Variants in CAPN15 observed in about 807,000 individuals in gnomAD.
CAPN15 encodes calpain-15.
In CAPN15, 53 loss-of-function variants were observed where a neutral mutation model predicts 97.9. The observed-to-expected ratio is 0.54, with a 90% CI of 0.43 to 0.68. CAPN15 has a LOEUF of 0.68. Among genes scored for constraint, CAPN15 ranks in the 30% least tolerant of loss-of-function variants. The probability of loss-of-function intolerance (pLI) is 0.00; values close to 1 mark genes in which losing one functional copy is unlikely to be tolerated. For synonymous variants in CAPN15, 922 were observed against 722.5 expected (o/e 1.28, Z -4.43); for missense variants, 1,592 against 1,589.8 (o/e 1.00, Z -0.02).
At position 536,119 on chromosome 16, in the gene CAPN15, G is replaced by A. The variant is rs1322988634; in HGVS notation, c.-46G>A. ...GATTCACGTGTGCCCAGGCCCTGAG[G>A]TGGGCCGGACCTGGGAGTGGCAGGT... On this transcript the variant is annotated 5_prime_UTR_variant, in exon 3 of 14. It adds an upstream start codon to the 5' untranslated region. Transcript: ENST00000219611. 3 of 983,034 alleles carry A rather than the reference G, an allele frequency of 3.1e-6. No individual in the cohort carries two copies. Among genetic ancestry groups the A allele is most frequent in the Non-Finnish European group, 3.6e-6 (3 of 828,036 alleles). 60.9% of individuals were successfully genotyped at this position (983,034 alleles called of 1,614,324 possible).
chr16:546,891 C>T lies in CAPN15; in HGVS notation c.53C>T (p.Ala18Val), dbSNP rs1359052684. Residue 18 changes from alanine (A) to valine (V), a missense_variant, in exon 4 of 14, where the codon GCC becomes GTC. By Grantham distance (64) the Ala-to-Val change is moderately conservative. Coordinates refer to ENST00000219611, the MANE Select transcript of CAPN15 (RefSeq NM_005632.3). ...SCVRCTFLNP[A>V]GQRQCSICEA... ...GTGCGCTGCACCTTCCTGAACCCGG[C>T]CGGCCAGCGCCAGTGCTCCATCTGC... 6.2e-7 allele frequency: 1 copy of T among 1,611,370 alleles called. No individual in the cohort carries two copies. Among genetic ancestry groups the T allele is most frequent in the Non-Finnish European group, 8.5e-7 (1 of 1,179,742 alleles).
In CAPN15 at chr16:554,122, C is replaced by T. The variant is rs375928519; in HGVS notation, c.*606C>T. ...GTGCCCGCCAGGATCGAAGCCATGA[C>T]TGGGTGCAGGCGGGCGCCAGGCCCG... On this transcript the variant is annotated 3_prime_UTR_variant, in exon 14 of 14. Transcript: ENST00000219611. 7 of 204,040 alleles carry T rather than the reference C, an allele frequency of 3.4e-5. No individual in the cohort carries two copies. Among genetic ancestry groups the T allele is most frequent in the African/African-American group, 1.6e-4 (7 of 43,080 alleles). The allele number at this position is 204,040 out of a possible 1,614,324, so 12.6% of individuals were successfully genotyped here.
At chr16:528,795 G>T (rs1402120778) in intron 1 of CAPN15, 1 of 979,908 alleles carries the variant, frequency 1.0e-6, no homozygotes, top group Non-Finnish European at 1.2e-6. Flanking sequence ...CAGTGGGGAA[G>T]ACTGGGACTC....
chr16:552,570 G>C lies in CAPN15; in HGVS notation c.2738-35G>C. On this transcript the variant is annotated intron_variant, in intron 11 of 13. Transcript: ENST00000219611. This position sits in a 1 kb window ranked among gnomAD's most constrained non-coding sequence, Gnocchi z 6.4. Reference sequence around the variant, plus strand: ...CCCCAGGCTCATGCCCCAGGCCCACGGGGAGGGCTGCGGTTCACACGCCCG... The same window carrying C: ...CCCCAGGCTCATGCCCCAGGCCCACCGGGAGGGCTGCGGTTCACACGCCCG... 1.3e-6 allele frequency: 2 copies of C among 1,561,960 alleles called. No individual in the cohort carries two copies. The highest frequency in any genetic ancestry group is 1.7e-6 in the Non-Finnish European group (2 of 1,157,108).
intron 7 of CAPN15, 101 bp from the exon 8 acceptor site, chr16:551,201 G>A: frequency 6.8e-7 from 1 of 1,467,878 alleles, no homozygotes; most frequent in Non-Finnish European, 9.0e-7. Context: ...GGTCGGTGAG[G>A]GTCCCCAGTC....
chr16:550,684 A>G (rs112437595), intron 7 of CAPN15, among the ~76,000 whole-genome samples: 8,429 of 41,564 alleles, frequency 0.2, 1,145 homozygotes, highest in African/African-American at 0.44. Flanking sequence ...GAGGGCCCCC[A>G]GTCGGTGAGG....
rs1443387405 is a variant in CAPN15 at position 546,966 on chromosome 16, T to A, written c.128T>A (p.Val43Glu). The change falls in exon 4 of 14, where the codon GTG (valine) becomes GAG (glutamate). Residue 43 changes from valine to glutamate, a missense_variant. Val to Glu is a moderately radical substitution (Grantham distance 121). Transcript: ENST00000219611. ...PDLNHILRLS[V>E]EEQKWPCARC... ...CTCAACCACATCCTGCGGCTCAGCG[T>A]GGAGGAGCAGAAATGGCCCTGCGCC... 2 of 1,610,220 alleles carry A rather than the reference T, an allele frequency of 1.2e-6. No homozygotes were observed. Among genetic ancestry groups the A allele is most frequent in the African/African-American group, 2.7e-5 (2 of 74,908 alleles).
chr16:540,460 C>A, intron 3 of CAPN15: 1 of 588,342 alleles, frequency 1.7e-6, no homozygotes, highest in Non-Finnish European at 2.1e-6. Context: ...GAGGTGCTTG[C>A]AGAGAAGTGG....
intron 3 of CAPN15, chr16:540,278 C>T (rs747756575): frequency 4.4e-4 from 431 of 985,328 alleles, no homozygotes; most frequent in Non-Finnish European, 5.0e-4. Flanking sequence ...CCCCCGGCAG[C>T]GGCTGGCTGG....
rs558240811 is a variant in CAPN15, at chr16:547,945, C to T, written c.1107C>T (p.His369=). 4.5e-5 allele frequency: 72 copies of T among 1,598,494 alleles called. No homozygotes were observed. The highest frequency in any genetic ancestry group is 2.0e-4 in the Admixed American group (12 of 58,570). The part of the protein sequence containing the change: ...RCSACGCSKL[H]GFQEHGEPPT... ...CGGCCTGCGGCTGCTCCAAACTGCA[C>T]GGCTTCCAGGAGCATGGCGAGCCCC... The change falls in exon 4 of 14, where the codon CAC becomes CAT. Residue 369 remains histidine (H), a synonymous_variant. Coordinates refer to ENST00000219611, the MANE Select transcript of CAPN15 (RefSeq NM_005632.3).
chr16:548,031 G>A lies in CAPN15; in HGVS notation c.1193G>A (p.Arg398Gln), dbSNP rs759853359. The A allele has an allele frequency of 1.3e-5, 20 of 1,564,272 alleles. No homozygotes were observed. Among genetic ancestry groups the A allele is most frequent in the Middle Eastern group, 1.7e-4 (1 of 6,010 alleles). Reference sequence around the variant, plus strand: ...AGCCCCTGCGGCAGAAGCTGCGGACGGGTGTCCTCGGCCCAGAAGGCCGCC... The same window carrying A: ...AGCCCCTGCGGCAGAAGCTGCGGACAGGTGTCCTCGGCCCAGAAGGCCGCC... Reference protein sequence around the residue: ...KPSPCGRSCGRVSSAQKAARV... With the variant: ...KPSPCGRSCGQVSSAQKAARV... Residue 398 changes from arginine to glutamine, a missense_variant, in exon 4 of 14, where the codon CGG becomes CAG. Coordinates refer to ENST00000219611, the MANE Select transcript of CAPN15 (RefSeq NM_005632.3).
At chr16:550,639 T>C (rs2034922073) in intron 7 of CAPN15, among the ~76,000 whole-genome samples, 1 of 147,880 alleles carries the variant, frequency 6.8e-6, no homozygotes, top group Non-Finnish European at 1.5e-5. Flanking sequence ...CCCCTGTCAG[T>C]GAGGGTTCCC....
chr16:534,235 G>GCCGTGGTCCTGTCGTGGGAGGC, intron 2 of CAPN15, among the ~76,000 whole-genome samples: 1 of 151,434 alleles, frequency 6.6e-6, no homozygotes, highest in Admixed American at 6.6e-5. Context: ...TCCCGACAGG[G>GCCGTGGTCCTGTCGTGGGAGGC]GTGTTTGTCC....
intron 3 of CAPN15, chr16:537,248 G>C (rs962027106): frequency 1.2e-5 from 12 of 985,418 alleles, no homozygotes; most frequent in African/African-American, 3.5e-5. Flanking sequence ...CCTGAGACTG[G>C]CTCCAGCTCA....
intron 3 of CAPN15, among the ~76,000 whole-genome samples, chr16:543,063 C>G (rs1015950946): frequency 1.1e-4 from 16 of 151,904 alleles, no homozygotes; most frequent in Admixed American, 7.2e-4. Flanking sequence ...AATAAAAATA[C>G]AAACCCTGAG....
intron 9 of CAPN15, 166 bp downstream of exon 9, chr16:551,830 G>A: frequency 9.8e-7 from 1 of 1,022,134 alleles, no homozygotes; most frequent in East Asian, 2.6e-5. Context: ...TCAGAATTCA[G>A]GTCCACCCAG....
chr16:544,802 C>G (rs1375835785), intron 3 of CAPN15, among the ~76,000 whole-genome samples: 1 of 83,082 alleles, frequency 1.2e-5, no homozygotes, highest in Non-Finnish European at 2.5e-5. Context: ...CGTCGTCTCC[C>G]CCACGTCGCC....
Position 552,860 on chromosome 16 carries a change from C to T in CAPN15, c.2905-3C>T, listed in dbSNP as rs562282317. The T allele has an allele frequency of 7.5e-6, 12 of 1,597,702 alleles. No homozygotes were observed. The Admixed American group carries it at 8.5e-5, about 11-fold the overall frequency. On this transcript the variant is annotated splice_polypyrimidine_tract_variant and splice_region_variant and intron_variant, in intron 12 of 13. Transcript: ENST00000219611. This position sits in a 1 kb window ranked among gnomAD's most constrained non-coding sequence, Gnocchi z 6.4. ...GCCCCACAACTGCCATTCCTGTGCC[C>T]AGGGCCGTGAGGGCATGACCTGCTA...
In CAPN15 at chr16:549,750, G is replaced by A. The variant is rs1275291863; in HGVS notation, c.1978G>A (p.Ala660Thr). 6 of 1,589,040 alleles carry A rather than the reference G, an allele frequency of 3.8e-6. No individual in the cohort carries two copies. Among genetic ancestry groups the A allele is most frequent in the Non-Finnish European group, 5.1e-6 (6 of 1,168,206 alleles). Residue 660 changes from alanine (A) to threonine (T), a missense_variant, in exon 7 of 14, where the codon GCG becomes ACG. Transcript: ENST00000219611. ...CACCGGCGCCCCCTGTGAGAGCCTG[G>A]CGCTGCAGCTCAGCTCCACTAACCC... ...TLTGAPCESL[A>T]LQLSSTNPRE...
Sources: allele counts gnomAD v4.1 joint callset (sites outside exome capture counted in the v4.1 genomes callset), GRCh38; gene constraint gnomAD v4.1.1; non-coding constraint Gnocchi (gnomAD v3.1); transcripts MANE v1.5; gene names NCBI Gene and HGNC (gene_info 2026-07-23, HGNC 2026-07-21).